Variants in MAPK10 observed in about 807,000 individuals in gnomAD.
MAPK10 encodes the protein mitogen-activated protein kinase 10, also known as JNK3 alpha protein kinase.
A neutral mutation model predicts 59.3 loss-of-function variants in MAPK10; 25 were observed. That is an observed-to-expected ratio of 0.42 (90% CI 0.31 to 0.59). MAPK10 has a LOEUF of 0.59. MAPK10 is among the 20% of genes least tolerant of loss of function. The probability of loss-of-function intolerance (pLI) is 0.15; values close to 1 mark genes in which losing one functional copy is unlikely to be tolerated. For synonymous variants in MAPK10, 190 were observed against 200.5 expected (o/e 0.95, Z 0.44); for missense variants, 351 against 568.9 (o/e 0.62, Z 3.90).
chr4:86,315,864 T>C lies in MAPK10; in HGVS notation c.-7+38666A>G, dbSNP rs183681559. ...CAGATTATATTAACTTTTCTTCAAG[T>C]AGACTTATTGAAAAAGTCTTTAATA... On this transcript the variant is annotated intron_variant, in intron 2 of 13. Coordinates refer to ENST00000641462, the MANE Select transcript of MAPK10 (RefSeq NM_138982.4). Among the ~76,000 whole-genome samples, 745 of 152,262 alleles carry C rather than the reference T, an allele frequency of 4.9e-3. 3 individuals carry two copies. The highest frequency in any genetic ancestry group is 0.028 in the South Asian group (133 of 4,830).
At chr4:86,423,938 T>A (rs916160287) in intron 1 of MAPK10, among the ~76,000 whole-genome samples, 1 of 151,440 alleles carries the variant, frequency 6.6e-6, no homozygotes, top group African/African-American at 2.4e-5. Flanking sequence ...AGATATAGAG[T>A]AAAGGTAAAG....
intron 1 of MAPK10, among the ~76,000 whole-genome samples, chr4:86,479,384 C>T (rs754497211): frequency 6.6e-6 from 1 of 151,840 alleles, no homozygotes; most frequent in Non-Finnish European, 1.5e-5. Context: ...CTACAAGGTA[C>T]AGCCCATTTG....
chr4:86,392,334 G>A (rs1484842290), intron 1 of MAPK10: 1 of 152,098 alleles, frequency 6.6e-6, no homozygotes, highest in Non-Finnish European at 1.5e-5. Context: ...AGCTATTCAG[G>A]AGGCTGAAGC....
intron 2 of MAPK10, among the ~76,000 whole-genome samples, chr4:86,296,454 A>G (rs13112020): frequency 0.63 from 95,543 of 151,990 alleles, 30,336 homozygotes; most frequent in South Asian, 0.74. Context: ...GAAAACTTCT[A>G]TGATGGTGGG....
At chr4:86,088,185 CTGTT>C (rs1468238179) in intron 9 of MAPK10, among the ~76,000 whole-genome samples, 1 of 151,964 alleles carries the variant, frequency 6.6e-6, no homozygotes, top group Non-Finnish European at 1.5e-5. Context: ...GTTTGTTTGT[CTGTT>C]TGTTTAGAGA....
At chr4:86,083,745 C>G (rs912594549) in intron 9 of MAPK10, among the ~76,000 whole-genome samples, 5 of 152,112 alleles carry the variant, frequency 3.3e-5, no homozygotes, top group African/African-American at 1.2e-4. Context: ...CTGGCATCAC[C>G]CCTCCTCTAC....
At chr4:86,448,368 A>C (rs1049091999) in intron 1 of MAPK10, among the ~76,000 whole-genome samples, 1 of 151,254 alleles carries the variant, frequency 6.6e-6, no homozygotes, top group Non-Finnish European at 1.5e-5. Flanking sequence ...TATGAATCTT[A>C]GAGTCAACTA....
chr4:86,159,502 A>G lies in MAPK10; in HGVS notation c.67-35T>C, dbSNP rs768126033. On this transcript the variant is annotated intron_variant, in intron 3 of 13. Coordinates refer to ENST00000641462, the MANE Select transcript of MAPK10 (RefSeq NM_138982.4). ...AGAAGAACAGCAAAAACATGAGGCA[A>G]GTGAACAGGCAGAATGATAATGAGA... The G allele has an allele frequency of 3.2e-6, 5 of 1,576,212 alleles. No homozygotes were observed. The Admixed American group carries it at 8.5e-5, about 27-fold the overall frequency.
At chr4:86,104,563 C>T (rs929555861) in intron 5 of MAPK10, among the ~76,000 whole-genome samples, 1 of 151,990 alleles carries the variant, frequency 6.6e-6, no homozygotes, top group Non-Finnish European at 1.5e-5. Flanking sequence ...TTTCATTTTG[C>T]TATTTGTTCA....
At chr4:86,419,278 GT>G (rs1288566936) in intron 1 of MAPK10, among the ~76,000 whole-genome samples, 3 of 152,076 alleles carry the variant, frequency 2.0e-5, no homozygotes, top group Non-Finnish European at 4.4e-5. Context: ...AATTGTATTG[GT>G]TTTGCTTTCC....
At chr4:86,166,304 AATAT>A (rs2071702666) in intron 3 of MAPK10, among the ~76,000 whole-genome samples, 1 of 152,224 alleles carries the variant, frequency 6.6e-6, no homozygotes, top group Non-Finnish European at 1.5e-5. Flanking sequence ...AGTTCTTTAT[AATAT>A]TAGCCCTTGT....
intron 9 of MAPK10, among the ~76,000 whole-genome samples, chr4:86,089,941 A>T (rs1041983899): frequency 6.6e-6 from 1 of 152,154 alleles, no homozygotes; most frequent in Non-Finnish European, 1.5e-5. Flanking sequence ...GGGATCGCTC[A>T]ATGTGAAATA....
intron 1 of MAPK10, among the ~76,000 whole-genome samples, chr4:86,533,297 G>T (rs748960229): frequency 1.3e-5 from 2 of 152,118 alleles, no homozygotes; most frequent in Non-Finnish European, 2.9e-5. Flanking sequence ...GTTTCAGCAT[G>T]GGATGAAGAA....
chr4:86,453,792 G>A (rs573052228), upstream of MAPK10, among the ~76,000 whole-genome samples: 59 of 152,140 alleles, frequency 3.9e-4, 1 homozygote, highest in African/African-American at 1.4e-3. Flanking sequence ...ACCACCTCCC[G>A]GCAGGAGGCC....
chr4:86,054,450 A>G (rs1301948537), intron 11 of MAPK10, among the ~76,000 whole-genome samples: 2 of 152,174 alleles, frequency 1.3e-5, no homozygotes, highest in African/African-American at 4.8e-5. Context: ...TAATGAAGCT[A>G]TATTTTCTCT....
At chr4:86,114,802 G>A (rs527274742) in intron 4 of MAPK10, among the ~76,000 whole-genome samples, 8 of 152,348 alleles carry the variant, frequency 5.3e-5, no homozygotes, top group South Asian at 2.1e-4. Flanking sequence ...GACTGTGGCC[G>A]CTCCTCCCCT....
rs559715363 is a variant in MAPK10, at chr4:86,013,643, T to C, written c.*3585A>G. 1 of 152,244 alleles carries C rather than the reference T, an allele frequency of 6.6e-6. No homozygotes were observed. Among genetic ancestry groups the C allele is most frequent in the South Asian group, 2.1e-4 (1 of 4,836 alleles). The allele number at this position is 152,244 out of a possible 1,614,324, so 9.4% of individuals were successfully genotyped here. A position where few individuals can be genotyped will look rare whatever the true frequency, so the allele number is the denominator to read the frequency against. Reference sequence around the variant, plus strand: ...GGACATAAAAGGTTTTACATATTTTTATCTATTTTTTACTAGTTCCATTTA... The same window carrying C: ...GGACATAAAAGGTTTTACATATTTTCATCTATTTTTTACTAGTTCCATTTA... On this transcript the variant is annotated 3_prime_UTR_variant, in exon 14 of 14. Transcript: ENST00000641462.
intron 2 of MAPK10, among the ~76,000 whole-genome samples, chr4:86,309,972 G>C (rs1247307509): frequency 6.6e-6 from 1 of 152,140 alleles, no homozygotes; most frequent in Non-Finnish European, 1.5e-5. Flanking sequence ...ACTGCTTAAG[G>C]CAAACCTGTC....
chr4:86,353,640 C>T (rs1002738487), intron 2 of MAPK10, among the ~76,000 whole-genome samples: 1 of 152,064 alleles, frequency 6.6e-6, no homozygotes, highest in African/African-American at 2.4e-5. Context: ...TATGAAATAA[C>T]TCTAGGATTA....
Sources: allele counts gnomAD v4.1 joint callset (sites outside exome capture counted in the v4.1 genomes callset), GRCh38; gene constraint gnomAD v4.1.1; transcripts MANE v1.5; gene names NCBI Gene and HGNC (gene_info 2026-07-23, HGNC 2026-07-21).